The following ITGAL variants were observed in gnomAD, a reference collection of about 807,000 sequenced individuals.
ITGAL encodes integrin alpha-L.
ITGAL carries 68 observed loss-of-function variants against 138.4 expected under a neutral mutation model. That is an observed-to-expected ratio of 0.49 (90% CI 0.40 to 0.60). The LOEUF (loss-of-function observed/expected upper bound fraction) is 0.60. ITGAL is among the 20% of genes least tolerant of loss of function. ITGAL has a pLI of 0.00. For synonymous variants in ITGAL, 561 were observed against 584.3 expected (o/e 0.96, Z 0.57); for missense variants, 1,256 against 1,478.6 (o/e 0.85, Z 2.47).
rs761681629 is a variant in ITGAL at position 30,474,158 on chromosome 16, G to A, written c.62-38G>A. The A allele has an allele frequency of 2.7e-6, 4 of 1,459,890 alleles. No homozygotes were observed. In the African/African-American group the frequency reaches 4.2e-5, roughly 15 times the overall value. 90.4% of individuals were successfully genotyped at this position (1,459,890 alleles called of 1,614,324 possible). Reference sequence around the variant, plus strand: ...CTGCTGGGCACGTGCAGGGGCGGGGGTCCCTCGGTCGCAGCTGACGACCCT... The same window carrying A: ...CTGCTGGGCACGTGCAGGGGCGGGGATCCCTCGGTCGCAGCTGACGACCCT... On this transcript the variant is annotated intron_variant, in intron 1 of 30. Coordinates refer to ENST00000356798, the MANE Select transcript of ITGAL (RefSeq NM_002209.3).
chr16:30,503,503 G>A, intron 17 of ITGAL, among the ~76,000 whole-genome samples: 1 of 131,532 alleles, frequency 7.6e-6, no homozygotes, highest in African/African-American at 2.8e-5. Flanking sequence ...GAAAGAGAAA[G>A]AAAGGAGGGA....
chr16:30,507,920 A>G (rs2051028016), intron 21 of ITGAL, among the ~76,000 whole-genome samples: 1 of 151,356 alleles, frequency 6.6e-6, no homozygotes, highest in African/African-American at 2.4e-5. Flanking sequence ...TTATTTATTT[A>G]TTTTCTGAGA....
intron 17 of ITGAL, among the ~76,000 whole-genome samples, chr16:30,501,153 C>A (rs1217645992): frequency 1.3e-5 from 2 of 151,906 alleles, no homozygotes; most frequent in African/African-American, 4.8e-5. Context: ...GCAGCTTCTA[C>A]TTTTTAATAT....
chr16:30,500,033 GCCATCGCT>G (rs1958860594), intron 17 of ITGAL, among the ~76,000 whole-genome samples: 1 of 147,722 alleles, frequency 6.8e-6, no homozygotes, highest in African/African-American at 2.5e-5. Flanking sequence ...ACAGGCATGA[GCCATCGCT>G]CCTGGCCTAT....
intron 1 of ITGAL, 87 bp downstream of exon 1, chr16:30,472,985 C>G: frequency 2.3e-6 from 3 of 1,297,770 alleles, no homozygotes; most frequent in Non-Finnish European, 2.2e-6. Flanking sequence ...AAACAAGGAG[C>G]TGCCCCCTAA....
rs1195384424 is a variant in ITGAL, at chr16:30,494,788, G to T, written c.1441G>T (p.Gly481Cys). 6 of 1,613,282 alleles carry T rather than the reference G, an allele frequency of 3.7e-6. No individual in the cohort carries two copies. The highest frequency in any genetic ancestry group is 5.1e-6 in the Non-Finnish European group (6 of 1,179,586). Residue 481 changes from glycine (G) to cysteine (C), a missense_variant, in exon 13 of 31, where the codon GGT becomes TGT. Physicochemically the swap from Gly to Cys is radical, Grantham distance 159 (BLOSUM62 -3). This residue lies in a region of ITGAL where 867 missense variants were observed against 972.5 expected (regional missense o/e 0.89). Transcript: ENST00000356798. The surrounding 1 kb of genome is among the most constrained non-coding windows in gnomAD (Gnocchi z 4.2). ...QDGETELLLI[G>C]APLFYGEQRG... ...TGGGGAGACAGAGCTGCTGCTGATT[G>T]GTGCCCCACTGTTCTATGGGGAGCA...
chr16:30,480,462 T>C (rs17839544), intron 6 of ITGAL: 13,606 of 152,124 alleles, frequency 0.089, 729 homozygotes, highest in Non-Finnish European at 0.13. Flanking sequence ...TTCAGTCAGG[T>C]GTTGATCCCC....
Position 30,499,169 on chromosome 16 carries a change from A to G in ITGAL, c.1928A>G (p.Lys643Arg), listed in dbSNP as rs777054561. 6 of 1,614,170 alleles carry G rather than the reference A, an allele frequency of 3.7e-6. No homozygotes were observed. Among genetic ancestry groups the G allele is most frequent in the Non-Finnish European group, 5.1e-6 (6 of 1,180,020 alleles). The change falls in exon 16 of 31, where the codon AAG becomes AGG. Residue 643 changes from lysine (K) to arginine (R), a missense_variant. Coordinates refer to ENST00000356798, the MANE Select transcript of ITGAL (RefSeq NM_002209.3). The stretch of plus-strand genomic sequence containing the variant: ...GAGTGCTCCTATTCAACCAGTAACA[A>G]GATGAAAGAAGGAGTTAATATCACA... ...EVECSYSTSN[K>R]MKEGVNITIC...
intron 22 of ITGAL, 22 bp downstream of exon 22, chr16:30,510,493 G>A (rs2051073850): frequency 2.1e-6 from 3 of 1,406,964 alleles, no homozygotes; most frequent in South Asian, 1.1e-5. Flanking sequence ...AAGTCTCCAG[G>A]GACCAAGCAG....
At chr16:30,488,595 C>T (rs943794734) in intron 9 of ITGAL, among the ~76,000 whole-genome samples, 13 of 145,592 alleles carry the variant, frequency 8.9e-5, no homozygotes, top group Non-Finnish European at 1.5e-4. Flanking sequence ...CCCAGCTACT[C>T]GGGAGGCTGA....
At position 30,521,495 on chromosome 16, in the gene ITGAL, G is replaced by A; in HGVS notation, c.3343G>A (p.Gly1115Ser). ...TTCAAATTTTGTCTTTGTACAGGTT[G>A]GTTTCTTCAAACGGAACCTGAAGGA... ...LLIFIVLYKV[G>S]FFKRNLKEKM... The change falls in exon 31 of 31, where the codon GGT becomes AGT. Residue 1115 changes from glycine to serine, a missense_variant. Gly to Ser is a moderately conservative substitution (Grantham distance 56). Around this residue, in one of 3 missense-constraint regions of ITGAL, gnomAD observed 867 missense variants for 972.5 expected, o/e 0.89. Transcript: ENST00000356798. 1 of 1,613,878 alleles carries A rather than the reference G, an allele frequency of 6.2e-7. No homozygotes were observed. The highest frequency in any genetic ancestry group is 1.1e-5 in the South Asian group (1 of 91,052).
intron 9 of ITGAL, 174 bp from the exon 10 acceptor site, chr16:30,488,908 C>G: frequency 1.6e-6 from 1 of 618,534 alleles, no homozygotes; most frequent in Non-Finnish European, 3.0e-6. Context: ...CTGGGACTCC[C>G]AGGGTAAAAG....
rs1312115404 is a variant in ITGAL, at chr16:30,521,606, C to A, written c.3454C>A (p.Pro1152Thr). 1.2e-6 allele frequency: 2 copies of A among 1,614,176 alleles called. No individual in the cohort carries two copies. Among genetic ancestry groups the A allele is most frequent in the East Asian group, 2.2e-5 (1 of 44,884 alleles). The change falls in exon 31 of 31, where the codon CCC becomes ACC. Residue 1152 changes from proline (P) to threonine (T), a missense_variant. Physicochemically the swap from Pro to Thr is conservative, Grantham distance 38. Coordinates refer to ENST00000356798, the MANE Select transcript of ITGAL (RefSeq NM_002209.3). ...GGCATCTGGGCAAGAGGCTGGGGAT[C>A]CCGGCTGCCTGAAGCCCCTCCATGA... ...QLASGQEAGD[P>T]GCLKPLHEKD...
chr16:30,522,525 A>C lies in ITGAL; in HGVS notation c.*860A>C, dbSNP rs902479266. On this transcript the variant is annotated 3_prime_UTR_variant, in exon 31 of 31. Coordinates refer to ENST00000356798, the MANE Select transcript of ITGAL (RefSeq NM_002209.3). The surrounding 1 kb of genome is among the most constrained non-coding windows in gnomAD (Gnocchi z 4.0). ...TTGACGTACTTAGCAGCTATCTCTCAGTGAACTGTGAGGGTAAAGGCTATA... is the reference window on the plus strand; with the variant it reads ...TTGACGTACTTAGCAGCTATCTCTCCGTGAACTGTGAGGGTAAAGGCTATA... The C allele has an allele frequency of 1.3e-5, 2 of 152,052 alleles. No homozygotes were observed. The highest frequency in any genetic ancestry group is 2.9e-5 in the Non-Finnish European group (2 of 68,032). The allele number at this position is 152,052 out of a possible 1,614,324, so 9.4% of individuals were successfully genotyped here.
chr16:30,499,572 T>C lies in ITGAL; in HGVS notation c.2145+83T>C, dbSNP rs554932281. On this transcript the variant is annotated intron_variant, in intron 17 of 30. Coordinates refer to ENST00000356798, the MANE Select transcript of ITGAL (RefSeq NM_002209.3). ...CCGTCACTGTCCAGTGGGTGACACG[T>C]CACTTCCATCCCTCTGTGCTGTCAC... 3.7e-6 allele frequency: 5 copies of C among 1,338,660 alleles called. No individual in the cohort carries two copies. The South Asian group carries it at 6.3e-5, about 17-fold the overall frequency. The allele number at this position is 1,338,660 out of a possible 1,614,324, so 82.9% of individuals were successfully genotyped here.
intron 22 of ITGAL, 23 bp from the exon 23 acceptor site, chr16:30,510,858 A>T: frequency 6.2e-7 from 1 of 1,602,034 alleles, no homozygotes; most frequent in Non-Finnish European, 8.6e-7. Flanking sequence ...TTCCATTTCC[A>T]TTGCCCTCTC....
At chr16:30,510,781 C>A in intron 22 of ITGAL, 100 bp from the exon 23 acceptor site, 1 of 988,956 alleles carries the variant, frequency 1.0e-6, no homozygotes, top group Non-Finnish European at 1.6e-6. Flanking sequence ...GCAGTGAGCA[C>A]TTGATAAGGG....
chr16:30,484,504 AG>A (rs1352410526), intron 9 of ITGAL, among the ~76,000 whole-genome samples: 7 of 151,990 alleles, frequency 4.6e-5, no homozygotes, highest in African/African-American at 1.7e-4. Context: ...ACTACTCAGG[AG>A]GCTGAGGCGC....
At chr16:30,519,564 G>A (rs1158323276) in intron 29 of ITGAL, among the ~76,000 whole-genome samples, 2 of 152,144 alleles carry the variant, frequency 1.3e-5, no homozygotes, top group East Asian at 1.9e-4. Flanking sequence ...GAGGGGAGGA[G>A]GGAAGCTGCA....
Sources: allele counts gnomAD v4.1 joint callset (sites outside exome capture counted in the v4.1 genomes callset), GRCh38; gene constraint gnomAD v4.1.1; regional missense constraint gnomAD v4.1.1; non-coding constraint Gnocchi (gnomAD v3.1); transcripts MANE v1.5; gene names NCBI Gene and HGNC (gene_info 2026-07-23, HGNC 2026-07-21).